Variants in PCNP observed in about 807,000 individuals in gnomAD.
The protein encoded by PCNP is PEST proteolytic signal containing nuclear protein, also known as PEST proteolytic signal-containing nuclear protein.
A neutral mutation model predicts 21.8 loss-of-function variants in PCNP; 6 were observed. The observed-to-expected ratio is 0.28, with a 90% CI of 0.15 to 0.54. PCNP has a LOEUF of 0.54. Ranked by LOEUF, PCNP falls within the 20% of genes least tolerant of loss-of-function variation. The probability of loss-of-function intolerance (pLI) is 0.95; values close to 1 mark genes in which losing one functional copy is unlikely to be tolerated. For synonymous variants in PCNP, 67 were observed against 73.2 expected (o/e 0.92, Z 0.43); for missense variants, 161 against 215.5 (o/e 0.75, Z 1.58).
intron 3 of PCNP, 70 bp downstream of exon 3, chr3:101,585,581 T>A: frequency 2.4e-6 from 2 of 848,370 alleles, no homozygotes; most frequent in Admixed American, 2.4e-5. Flanking sequence ...TGGCAAATTA[T>A]AGGTTATAAT....
intron 1 of PCNP, 121 bp from the exon 2 acceptor site, chr3:101,579,669 G>A (rs748976314): frequency 1.0e-4 from 77 of 753,486 alleles, no homozygotes; most frequent in Admixed American, 2.1e-4. Flanking sequence ...AGAGACTGTT[G>A]GGTCAGTAGG....
Position 101,574,222 on chromosome 3 carries a change from G to A in PCNP, c.7G>A (p.Asp3Asn). MA[D>N]GKAGDEKPEK... ...GGAGGCCGCGGCGGGGAAAATGGCG[G>A]ACGGGAAGGCGGGAGACGAGAAGCC... is the stretch of plus-strand genomic sequence containing the variant. The change falls in exon 1 of 5, where the codon GAC becomes AAC. Residue 3 changes from aspartate (D) to asparagine (N), a missense_variant. By Grantham distance (23) the Asp-to-Asn change is conservative (BLOSUM62 1). Transcript: ENST00000265260. The A allele has an allele frequency of 6.5e-7, 1 of 1,549,662 alleles. No homozygotes were observed. Among genetic ancestry groups the A allele is most frequent in the Non-Finnish European group, 8.7e-7 (1 of 1,145,924 alleles).
At chr3:101,574,445 G>C (rs1389104425) in intron 1 of PCNP, among the ~76,000 whole-genome samples, 166 bp downstream of exon 1, 1 of 152,226 alleles carries the variant, frequency 6.6e-6, no homozygotes, top group Non-Finnish European at 1.5e-5. Flanking sequence ...GGCCCTCTGG[G>C]CTCCGGGCCT....
chr3:101,582,617 G>C (rs199690469), intron 2 of PCNP, among the ~76,000 whole-genome samples: 5 of 152,182 alleles, frequency 3.3e-5, no homozygotes, highest in Non-Finnish European at 5.9e-5. Flanking sequence ...AAAAAATTAA[G>C]GGTGTTTCTA....
chr3:101,586,605 G>GAGAGAGAGAGAGAGTTTCTTGTTTC (rs1347221157), intron 3 of PCNP, among the ~76,000 whole-genome samples: 90 of 142,566 alleles, frequency 6.3e-4, no homozygotes, highest in Non-Finnish European at 6.3e-4. Flanking sequence ...TTGTTTCAGA[G>GAGAGAGAGAGAGAGTTTCTTGTTTC]AGAGAGAGAG....
rs534010930 is a variant in PCNP at position 101,593,768 on chromosome 3, T to C, written c.*1015T>C. On this transcript the variant is annotated 3_prime_UTR_variant, in exon 5 of 5. Transcript: ENST00000265260. ...CTATCGGCTTTCTTACTGGTAAAATTATATGGTTTATTTTAAATGCGTACA... is the reference window on the plus strand; with the variant it reads ...CTATCGGCTTTCTTACTGGTAAAATCATATGGTTTATTTTAAATGCGTACA... The C allele has an allele frequency of 6.5e-6, 1 of 152,758 alleles. No individual in the cohort carries two copies. Among genetic ancestry groups the C allele is most frequent in the Non-Finnish European group, 1.5e-5 (1 of 68,020 alleles). 9.5% of individuals were successfully genotyped at this position (152,758 alleles called of 1,614,324 possible).
In PCNP at chr3:101,576,692, T is replaced by C. The variant is rs1370425526; in HGVS notation, c.64+2413T>C. The C allele has an allele frequency of 3.1e-6, 5 of 1,612,134 alleles. No homozygotes were observed. The African/African-American group carries it at 4.0e-5, about 13-fold the overall frequency. On this transcript the variant is annotated intron_variant, in intron 1 of 4. Transcript: ENST00000265260. ...TTTCCATCCTTTACATCCTTCTGTCTGTTCAAGAACCAGTCTGGGATCTTG... is the reference window on the plus strand; with the variant it reads ...TTTCCATCCTTTACATCCTTCTGTCCGTTCAAGAACCAGTCTGGGATCTTG...
intron 1 of PCNP, chr3:101,576,916 T>C: frequency 2.5e-6 from 4 of 1,594,844 alleles, no homozygotes; most frequent in Non-Finnish European, 3.4e-6. Context: ...TCGCAAAATA[T>C]GCTGGAACTT....
intron 3 of PCNP, among the ~76,000 whole-genome samples, chr3:101,586,647 G>A (rs544663382): frequency 2.2e-5 from 2 of 89,526 alleles, no homozygotes; most frequent in South Asian, 4.4e-4. Flanking sequence ...TGCCTAGGCC[G>A]GAGTGCAGTA....
intron 2 of PCNP, among the ~76,000 whole-genome samples, chr3:101,582,395 G>A (rs1203248944): frequency 6.6e-6 from 1 of 152,188 alleles, no homozygotes; most frequent in African/African-American, 2.4e-5. Context: ...GAGGTGCAGT[G>A]AGCCAAGATT....
At chr3:101,581,536 C>A (rs542238237) in intron 2 of PCNP, among the ~76,000 whole-genome samples, 4 of 151,888 alleles carry the variant, frequency 2.6e-5, no homozygotes, top group East Asian at 1.9e-4. Flanking sequence ...TGGGTTCAGG[C>A]GATTCTCCTG....
intron 1 of PCNP, chr3:101,576,489 T>G (rs145409613): frequency 6.3e-7 from 1 of 1,590,240 alleles, no homozygotes; most frequent in Non-Finnish European, 8.6e-7. Flanking sequence ...GCCTACAGAC[T>G]TATTTCTTCT....
Position 101,592,549 on chromosome 3 carries a change from A to G in PCNP, c.411-78A>G, listed in dbSNP as rs1935871493. On this transcript the variant is annotated intron_variant, in intron 4 of 4. Transcript: ENST00000265260. ...TGTTTATAATAGGTGCTAAACAAAC[A>G]TGTATTGAATGAATCAAAATCATAA... 4 of 1,161,912 alleles carry G rather than the reference A, an allele frequency of 3.4e-6. No homozygotes were observed. The East Asian group carries it at 7.3e-5, about 21-fold the overall frequency. 72.0% of individuals were successfully genotyped at this position (1,161,912 alleles called of 1,614,324 possible). A position where few individuals can be genotyped will look rare whatever the true frequency, so the allele number is the denominator to read the frequency against.
At chr3:101,574,127 C>T, upstream of PCNP, 4 of 1,503,838 alleles carry the variant, frequency 2.7e-6, no homozygotes, top group South Asian at 1.3e-5. Flanking sequence ...TAGGCTGCCA[C>T]CACGCCGGCT....
Position 101,593,482 on chromosome 3 carries a change from T to C in PCNP, c.*729T>C, listed in dbSNP as rs1935916730. ...ATGTGCTTCTCTTGTTTTTTGTTTATTAGCTAGTTCCTGTAAGCATTTCCA... is the reference window on the plus strand; with the variant it reads ...ATGTGCTTCTCTTGTTTTTTGTTTACTAGCTAGTTCCTGTAAGCATTTCCA... On this transcript the variant is annotated 3_prime_UTR_variant, in exon 5 of 5. Coordinates refer to ENST00000265260, the MANE Select transcript of PCNP (RefSeq NM_020357.3). 6.6e-6 allele frequency: 1 copy of C among 152,666 alleles called. No individual in the cohort carries two copies. The highest frequency in any genetic ancestry group is 2.1e-4 in the South Asian group (1 of 4,838). 9.5% of individuals were successfully genotyped at this position (152,666 alleles called of 1,614,324 possible). A position where few individuals can be genotyped will look rare whatever the true frequency, so the allele number is the denominator to read the frequency against.
chr3:101,591,046 G>C (rs1416143756), intron 4 of PCNP, among the ~76,000 whole-genome samples: 1 of 152,178 alleles, frequency 6.6e-6, no homozygotes, highest in Non-Finnish European at 1.5e-5. Context: ...AAAGTGCTGG[G>C]AGTATAGGTG....
chr3:101,580,922 A>G (rs1935189723), intron 2 of PCNP, among the ~76,000 whole-genome samples: 2 of 152,236 alleles, frequency 1.3e-5, no homozygotes, highest in African/African-American at 2.4e-5. Flanking sequence ...GAAAAATCCT[A>G]AAATTGCCTT....
chr3:101,583,817 ATTTTTTTTTTT>A (rs564200727), intron 2 of PCNP, among the ~76,000 whole-genome samples: 1 of 104,054 alleles, frequency 9.6e-6, no homozygotes, highest in Non-Finnish European at 1.9e-5. Context: ...TATCCAGCTA[ATTTTTTTTTTT>A]TTTTTTTTTT....
intron 4 of PCNP, among the ~76,000 whole-genome samples, chr3:101,590,907 T>G (rs1347303333): frequency 2.0e-5 from 3 of 151,780 alleles, no homozygotes; most frequent in African/African-American, 7.3e-5. Flanking sequence ...TTTTTGCTGG[T>G]ATGAAACAAA....
Sources: gnomAD v4.1 joint callset for allele counts (sites outside exome capture counted in the v4.1 genomes callset) on GRCh38, gnomAD v4.1.1 for gene constraint, MANE v1.5 for transcripts, NCBI Gene and HGNC (gene_info 2026-07-23, HGNC 2026-07-21) for gene names.